Variants in PARD3B observed in about 807,000 individuals in gnomAD.
PARD3B encodes par-3 family cell polarity regulator beta, also known as partitioning defective 3 homolog B.
In PARD3B, 103 loss-of-function variants were observed where a neutral mutation model predicts 130.2. That is an observed-to-expected ratio of 0.79 (90% CI 0.67 to 0.93). PARD3B has a LOEUF of 0.93. PARD3B is among the 40% of genes least tolerant of loss of function. The pLI is 0.00. For synonymous variants in PARD3B, 583 were observed against 553.2 expected, an observed-to-expected ratio of 1.05 and a Z score of -0.76; for missense variants, 1,609 against 1,499.2, an observed-to-expected ratio of 1.07 and a Z score of -1.21.
chr2:204,778,465 A>G (rs2041720049), intron 2 of PARD3B, among the ~76,000 whole-genome samples: 1 of 152,214 alleles, frequency 6.6e-6, no homozygotes, highest in African/African-American at 2.4e-5. Flanking sequence ...CGAAAAATGC[A>G]GAGAGGTGGT....
rs1553681141 is a variant in PARD3B, at chr2:205,344,194, TTGTG to T, written c.2630+42523_2630+42526del. Among the ~76,000 whole-genome samples the T allele has an allele frequency of 8.0e-3, 1,131 of 141,026 alleles. 12 individuals are homozygous for T. Among genetic ancestry groups the T allele is most frequent in the African/African-American group, 0.025 (961 of 38,588 alleles). 92.5% of individuals were successfully genotyped at this position (141,026 alleles called of 152,430 possible). On this transcript the variant is annotated intron_variant, in intron 18 of 22. Transcript: ENST00000406610. Reference sequence around the variant, plus strand: ...GAAGGTGGGAAATGTGTCAGTTGGTTTGTGTGTGTGTGTGTGTGTGTGTGTGTGT... The same window carrying T: ...GAAGGTGGGAAATGTGTCAGTTGGTTTGTGTGTGTGTGTGTGTGTGTGTGT...
chr2:205,377,574 A>G (rs1031260434), intron 18 of PARD3B, among the ~76,000 whole-genome samples: 1 of 151,966 alleles, frequency 6.6e-6, no homozygotes, highest in Admixed American at 6.6e-5. Flanking sequence ...CAAAGATAAG[A>G]GGCTCCAAGT....
intron 3 of PARD3B, among the ~76,000 whole-genome samples, chr2:205,024,436 TG>T (rs1385170838): frequency 6.6e-6 from 1 of 152,266 alleles, no homozygotes; most frequent in African/African-American, 2.4e-5. Flanking sequence ...CCCAAAGTGC[TG>T]GGATTACAGG....
In PARD3B at chr2:205,341,536, A is replaced by G; in HGVS notation, c.2630+39835A>G. On this transcript the variant is annotated intron_variant, in intron 18 of 22. Transcript: ENST00000406610. This position sits in a 1 kb window ranked among gnomAD's most constrained non-coding sequence, Gnocchi z 4.3. ...TTCTTATGTATATGTAGAAGCTAAA[A>G]AAAATGTTTAAGCTCATGAAAGTAG... Among the ~76,000 whole-genome samples the G allele has an allele frequency of 6.6e-6, 1 of 152,094 alleles. No homozygotes were observed. Among genetic ancestry groups the G allele is most frequent in the East Asian group, 1.9e-4 (1 of 5,188 alleles).
chr2:205,485,029 C>G (rs1364977989), intron 20 of PARD3B, among the ~76,000 whole-genome samples: 3 of 152,186 alleles, frequency 2.0e-5, no homozygotes, highest in African/African-American at 7.2e-5. Context: ...CTGCAAATTG[C>G]TCCATGGCAG....
intron 2 of PARD3B, among the ~76,000 whole-genome samples, chr2:204,833,928 C>A (rs1184089535): frequency 6.6e-6 from 1 of 152,142 alleles, no homozygotes; most frequent in East Asian, 1.9e-4. Flanking sequence ...AAATTCATCC[C>A]TGCCATTCTT....
intron 20 of PARD3B, among the ~76,000 whole-genome samples, chr2:205,454,073 TCAAG>T (rs2048192746): frequency 6.6e-6 from 1 of 152,194 alleles, no homozygotes; most frequent in African/African-American, 2.4e-5. Flanking sequence ...AGCACCCTAC[TCAAG>T]GCTGCGGGGT....
intron 1 of PARD3B, among the ~76,000 whole-genome samples, chr2:204,592,311 C>CG (rs2125095307): frequency 6.6e-6 from 1 of 152,168 alleles, no homozygotes; most frequent in South Asian, 2.1e-4. Flanking sequence ...ACCTAGTGGA[C>CG]GAAAAAGAGC....
chr2:204,584,823 A>G (rs1350436401), intron 1 of PARD3B, among the ~76,000 whole-genome samples: 1 of 152,188 alleles, frequency 6.6e-6, no homozygotes, highest in Non-Finnish European at 1.5e-5. Flanking sequence ...GGGCCCAGAA[A>G]CCACTGGGCC....
intron 15 of PARD3B, among the ~76,000 whole-genome samples, chr2:205,216,949 C>G (rs1346367644): frequency 6.6e-6 from 1 of 152,044 alleles, no homozygotes; most frequent in Non-Finnish European, 1.5e-5. Flanking sequence ...CTTTCTGGCT[C>G]TCGCACCCAT....
chr2:204,774,539 C>T (rs1446145673), intron 2 of PARD3B, among the ~76,000 whole-genome samples: 1 of 152,016 alleles, frequency 6.6e-6, no homozygotes, highest in Non-Finnish European at 1.5e-5. Flanking sequence ...TATTGTATGA[C>T]ACTTTTTAAA....
At chr2:205,027,038 C>G (rs1575584969) in intron 3 of PARD3B, among the ~76,000 whole-genome samples, 1 of 151,634 alleles carries the variant, frequency 6.6e-6, no homozygotes, top group Non-Finnish European at 1.5e-5. Context: ...GATTTAAATT[C>G]CTTTGGATAT....
At chr2:204,702,883 T>G (rs970978745) in intron 2 of PARD3B, among the ~76,000 whole-genome samples, 1 of 152,020 alleles carries the variant, frequency 6.6e-6, no homozygotes, top group Admixed American at 6.6e-5. Flanking sequence ...GCCAATAGAG[T>G]TATTTGTTTT....
intron 2 of PARD3B, among the ~76,000 whole-genome samples, chr2:204,813,582 T>G (rs565329186): frequency 6.6e-6 from 1 of 152,228 alleles, no homozygotes; most frequent in South Asian, 2.1e-4. Context: ...TCTAAGAAAC[T>G]TTTGCCTAAT....
At chr2:204,684,413 T>C (rs946211410) in intron 1 of PARD3B, among the ~76,000 whole-genome samples, 3 of 152,242 alleles carry the variant, frequency 2.0e-5, no homozygotes, top group Non-Finnish European at 4.4e-5. Context: ...ACTCTTTTTA[T>C]AAGCAGACTT....
intron 2 of PARD3B, among the ~76,000 whole-genome samples, chr2:204,951,323 C>T (rs1256362236): frequency 6.6e-6 from 1 of 152,172 alleles, no homozygotes; most frequent in African/African-American, 2.4e-5. Flanking sequence ...TGTCTGTCAA[C>T]TATTTCATAG....
At chr2:204,702,198 G>C (rs115404279) in intron 2 of PARD3B, among the ~76,000 whole-genome samples, 203 of 152,298 alleles carry the variant, frequency 1.3e-3, no homozygotes, top group African/African-American at 4.6e-3. Context: ...TAGTGCTGCT[G>C]TGAACATGTG....
At chr2:204,781,597 G>A (rs1213283680) in intron 2 of PARD3B, among the ~76,000 whole-genome samples, 1 of 152,058 alleles carries the variant, frequency 6.6e-6, no homozygotes, top group Non-Finnish European at 1.5e-5. Context: ...TACAAGAATG[G>A]CAATAATTGC....
At chr2:205,278,993 C>T (rs2041067274) in intron 16 of PARD3B, among the ~76,000 whole-genome samples, 1 of 135,692 alleles carries the variant, frequency 7.4e-6, no homozygotes, top group African/African-American at 2.6e-5. Context: ...ATTGCTTGAA[C>T]CCAGGAGGCG....
Sources: gnomAD v4.1 joint callset for allele counts (sites outside exome capture counted in the v4.1 genomes callset) on GRCh38, gnomAD v4.1.1 for gene constraint, Gnocchi (gnomAD v3.1) non-coding constraint, MANE v1.5 for transcripts, NCBI Gene and HGNC (gene_info 2026-07-23, HGNC 2026-07-21) for gene names.